Variants in CATSPERT observed in about 807,000 individuals in gnomAD.
CATSPERT encodes cation channel sperm-associated targeting subunit tau.
At chr2:201,587,846 C>T in the CATSPERT span, among the ~76,000 whole-genome samples, 1 of 152,028 alleles carries the variant, frequency 6.6e-6, no homozygotes, top group Non-Finnish European at 1.5e-5. Flanking sequence ...TACAAACAAC[C>T]ATTAGAGAAT....
At chr2:201,618,963 G>A in the CATSPERT span, 48 of 1,613,964 alleles carry the variant, frequency 3.0e-5, no homozygotes, top group African/African-American at 5.6e-4. Flanking sequence ...TCGTGCCCTG[G>A]TTCAGGGCGT....
the CATSPERT span, among the ~76,000 whole-genome samples, chr2:201,506,755 G>A: frequency 1.2e-4 from 18 of 152,200 alleles, no homozygotes; most frequent in East Asian, 1.2e-3. Flanking sequence ...TGGTTTCACC[G>A]TGTTAGCCGG....
chr2:201,574,070 C>T, the CATSPERT span: 2 of 508,834 alleles, frequency 3.9e-6, no homozygotes, highest in Non-Finnish European at 6.7e-6. Flanking sequence ...AGCCCACATA[C>T]CTCAAAGTCG....
chr2:201,492,024 C>A, the CATSPERT span: 6 of 1,536,134 alleles, frequency 3.9e-6, no homozygotes, highest in Non-Finnish European at 5.2e-6. Context: ...TAGCTTCTTC[C>A]TTAGTGTAAT....
chr2:201,604,544 G>T, the CATSPERT span: 2 of 1,025,846 alleles, frequency 1.9e-6, no homozygotes, highest in South Asian at 3.5e-5. Context: ...ACCATTTTCT[G>T]CATATACTGT....
the CATSPERT span, among the ~76,000 whole-genome samples, chr2:201,507,176 C>A: frequency 6.6e-6 from 1 of 152,028 alleles, no homozygotes; most frequent in Non-Finnish European, 1.5e-5. Flanking sequence ...GCAAAGTGAA[C>A]CAATATAAAA....
the CATSPERT span, among the ~76,000 whole-genome samples, chr2:201,584,577 G>T: frequency 6.6e-6 from 1 of 152,080 alleles, no homozygotes; most frequent in Non-Finnish European, 1.5e-5. Context: ...AAGGTCAGGA[G>T]TTCGAGACCA....
At chr2:201,547,695 G>GTATTCT in the CATSPERT span, 1 of 648,510 alleles carries the variant, frequency 1.5e-6, no homozygotes, top group African/African-American at 1.9e-5. Context: ...TACTTGCAAT[G>GTATTCT]TGATCCATTT....
the CATSPERT span, chr2:201,572,000 A>C: frequency 6.2e-7 from 1 of 1,612,984 alleles, no homozygotes; most frequent in Non-Finnish European, 8.5e-7. Flanking sequence ...ATGGCTCAGT[A>C]ATTTTCTGAA....
chr2:201,586,823 T>C, the CATSPERT span, among the ~76,000 whole-genome samples: 8 of 152,178 alleles, frequency 5.3e-5, no homozygotes, highest in Non-Finnish European at 1.0e-4. Flanking sequence ...CTTTAACATC[T>C]ATACTGTTGT....
chr2:201,502,229 T>C, the CATSPERT span, among the ~76,000 whole-genome samples: 1 of 152,168 alleles, frequency 6.6e-6, no homozygotes, highest in Non-Finnish European at 1.5e-5. Context: ...TTTCATTTTC[T>C]TTCATTACTA....
At chr2:201,559,225 T>G in the CATSPERT span, among the ~76,000 whole-genome samples, 1 of 152,092 alleles carries the variant, frequency 6.6e-6, no homozygotes, top group Non-Finnish European at 1.5e-5. Flanking sequence ...CTGACAGGCA[T>G]GTCCCCAGGC....
At chr2:201,535,124 T>C in the CATSPERT span, 3 of 981,166 alleles carry the variant, frequency 3.1e-6, no homozygotes, top group Non-Finnish European at 3.6e-6. Flanking sequence ...AGAATGTTAT[T>C]TGACATAGGT....
chr2:201,559,004 A>G, the CATSPERT span, among the ~76,000 whole-genome samples: 1 of 152,200 alleles, frequency 6.6e-6, no homozygotes, highest in South Asian at 2.1e-4. Context: ...ACTCTCACCC[A>G]GGGTGAACCT....
the CATSPERT span, among the ~76,000 whole-genome samples, chr2:201,565,009 G>A: frequency 7.8e-6 from 1 of 127,876 alleles, no homozygotes; most frequent in African/African-American, 2.7e-5. Flanking sequence ...TGATTTAATG[G>A]CAGAATAGAA....
At chr2:201,507,135 A>G in the CATSPERT span, among the ~76,000 whole-genome samples, 2 of 152,264 alleles carry the variant, frequency 1.3e-5, no homozygotes, top group African/African-American at 4.8e-5. Context: ...AAAATTCAAG[A>G]GAACTGAAAA....
chr2:201,558,667 A>G, the CATSPERT span, among the ~76,000 whole-genome samples: 190 of 152,322 alleles, frequency 1.2e-3, no homozygotes, highest in African/African-American at 4.4e-3. Flanking sequence ...TACAGTGTTA[A>G]GAGATGCTGG....
At chr2:201,541,899 C>T in the CATSPERT span, among the ~76,000 whole-genome samples, 2 of 151,438 alleles carry the variant, frequency 1.3e-5, no homozygotes, top group Non-Finnish European at 2.9e-5. Flanking sequence ...CCTGGCCTCT[C>T]TATTTTTTGA....
the CATSPERT span, among the ~76,000 whole-genome samples, chr2:201,512,631 A>G: frequency 1.3e-5 from 2 of 152,058 alleles, no homozygotes; most frequent in Non-Finnish European, 2.9e-5. Flanking sequence ...ATTCCTTTTT[A>G]TTGCTGAGTA....
Sources: gnomAD v4.1 joint callset for allele counts (sites outside exome capture counted in the v4.1 genomes callset) on GRCh38, gnomAD v4.1.1 for gene constraint, MANE v1.5 for transcripts, NCBI Gene and HGNC (gene_info 2026-07-23, HGNC 2026-07-21) for gene names.